FAM222A: variants seen among roughly 807,000 people sequenced by gnomAD.
FAM222A encodes the protein family with sequence similarity 222 member A.
A neutral mutation model predicts 25.8 loss-of-function variants in FAM222A; 7 were observed. That is an observed-to-expected ratio of 0.27 (90% CI 0.15 to 0.51). FAM222A has a LOEUF of 0.51. Among genes scored for constraint, FAM222A ranks in the 20% least tolerant of loss-of-function variants. FAM222A has a pLI of 0.97. For synonymous variants in FAM222A, 294 were observed against 298.8 expected (o/e 0.98, Z 0.17); for missense variants, 573 against 640.5 (o/e 0.89, Z 1.14).
Position 109,713,972 on chromosome 12 carries a change from G to A in FAM222A, c.-972G>A, listed in dbSNP as rs1385131930. ...ACCCGGGCCTGAGACCAGGCGAGGC[G>A]CCGGCGCGCGCCAGACGGCGCGAGG... On this transcript the variant is annotated 5_prime_UTR_variant, in exon 1 of 3. Transcript: ENST00000538780. Among the ~76,000 whole-genome samples the A allele has an allele frequency of 1.4e-5, 2 of 146,198 alleles. No individual in the cohort carries two copies. The highest frequency in any genetic ancestry group is 3.0e-5 in the Non-Finnish European group (2 of 65,776).
At chr12:109,755,333 A>G (rs1888694433) in intron 2 of FAM222A, among the ~76,000 whole-genome samples, 1 of 57,298 alleles carries the variant, frequency 1.7e-5, no homozygotes, top group Admixed American at 2.8e-4. Context: ...TTTTTTTGAG[A>G]CAGAGTTTCA....
At chr12:109,724,565 C>T (rs1199352348) in intron 1 of FAM222A, among the ~76,000 whole-genome samples, 2 of 152,182 alleles carry the variant, frequency 1.3e-5, no homozygotes, top group Non-Finnish European at 2.9e-5. Context: ...ATGAGGCTTC[C>T]CCCGGGGCCT....
intron 2 of FAM222A, among the ~76,000 whole-genome samples, chr12:109,760,335 G>T (rs1298036291): frequency 6.6e-6 from 1 of 152,180 alleles, no homozygotes; most frequent in Non-Finnish European, 1.5e-5. Flanking sequence ...GACCCTAAAG[G>T]ACCAGTGAGG....
chr12:109,769,095 C>T lies in FAM222A; in HGVS notation c.1166C>T (p.Ser389Leu), dbSNP rs561023021. ...GCTGGGCCCCCTGCAGATGCCCTCT[C>T]GGGCCTGCCCAGCAAGAGTGTGTGC... is the stretch of plus-strand genomic sequence containing the variant. ...ELAGPPADAL[S>L]GLPSKSVCNT... The change falls in exon 3 of 3, where the codon TCG becomes TTG. Residue 389 changes from serine to leucine, a missense_variant. Ser to Leu is a moderately radical substitution (Grantham distance 145). Transcript: ENST00000538780. 1.4e-5 allele frequency: 23 copies of T among 1,607,646 alleles called. No homozygotes were observed. Among genetic ancestry groups the T allele is most frequent in the Admixed American group, 1.0e-4 (6 of 59,408 alleles).
At chr12:109,724,167 G>C (rs1329429838) in intron 1 of FAM222A, among the ~76,000 whole-genome samples, 1 of 152,194 alleles carries the variant, frequency 6.6e-6, no homozygotes, top group Non-Finnish European at 1.5e-5. Flanking sequence ...ACTGCTGGCA[G>C]CTCCTGAACC....
chr12:109,749,677 G>C (rs1592791894), intron 2 of FAM222A, among the ~76,000 whole-genome samples: 1 of 152,288 alleles, frequency 6.6e-6, no homozygotes, highest in East Asian at 1.9e-4. Flanking sequence ...AAAGGAACTA[G>C]ACACCTACTG....
intron 1 of FAM222A, among the ~76,000 whole-genome samples, chr12:109,740,977 G>A (rs1290216484): frequency 6.6e-6 from 1 of 152,212 alleles, no homozygotes; most frequent in Non-Finnish European, 1.5e-5. Flanking sequence ...AGGTCTGGAG[G>A]TGTGAGGCAG....
chr12:109,731,177 C>T (rs1185271122), intron 1 of FAM222A, among the ~76,000 whole-genome samples: 4 of 152,102 alleles, frequency 2.6e-5, no homozygotes, highest in African/African-American at 9.7e-5. Flanking sequence ...CACTGTCCGT[C>T]AGGAGCCAGA....
At chr12:109,762,531 G>A (rs1296108892) in intron 2 of FAM222A, among the ~76,000 whole-genome samples, 1 of 152,226 alleles carries the variant, frequency 6.6e-6, no homozygotes, top group Non-Finnish European at 1.5e-5. Context: ...TGCCACTGCT[G>A]AGAAGCCTGT....
chr12:109,768,407 C>T lies in FAM222A; in HGVS notation c.478C>T (p.Pro160Ser), dbSNP rs779238610. 1 of 1,598,676 alleles carries T rather than the reference C, an allele frequency of 6.3e-7. No homozygotes were observed. Among genetic ancestry groups the T allele is most frequent in the Non-Finnish European group, 8.5e-7 (1 of 1,178,410 alleles). ...VPSTLGPLAY[P>S]KPPEAPAPPP... is the part of the protein sequence containing the mutation. The stretch of plus-strand genomic sequence containing the variant: ...CAGCACTCTGGGTCCCTTGGCCTAC[C>T]CCAAGCCACCTGAGGCGCCTGCTCC... The change falls in exon 3 of 3, where the codon CCC (proline) becomes TCC (serine). Residue 160 changes from proline to serine, a missense_variant. Transcript: ENST00000538780.
At chr12:109,721,079 C>T (rs1887737182) in intron 1 of FAM222A, among the ~76,000 whole-genome samples, 1 of 152,230 alleles carries the variant, frequency 6.6e-6, no homozygotes, top group Non-Finnish European at 1.5e-5. Flanking sequence ...CCTACTTTGG[C>T]ATTTTGTTCT....
intron 2 of FAM222A, among the ~76,000 whole-genome samples, chr12:109,754,962 C>A (rs1248924026): frequency 6.6e-6 from 1 of 152,044 alleles, no homozygotes; most frequent in Non-Finnish European, 1.5e-5. Flanking sequence ...TGAGCCACTG[C>A]GTCTAGCCTG....
intron 1 of FAM222A, among the ~76,000 whole-genome samples, chr12:109,729,451 C>A (rs1887901875): frequency 6.6e-6 from 1 of 152,324 alleles, no homozygotes; most frequent in African/African-American, 2.4e-5. Flanking sequence ...CAAGACACCC[C>A]CAGCCAGCGC....
chr12:109,767,896 A>G (rs1889101727), intron 2 of FAM222A, 116 bp from the exon 3 acceptor site: 1 of 1,031,858 alleles, frequency 9.7e-7, no homozygotes, highest in Non-Finnish European at 1.4e-6. Flanking sequence ...AAAATGTAGA[A>G]GGAATAAGGA....
chr12:109,719,788 G>A (rs1887714996), intron 1 of FAM222A, among the ~76,000 whole-genome samples: 1 of 152,046 alleles, frequency 6.6e-6, no homozygotes, highest in African/African-American at 2.4e-5. Flanking sequence ...AGGGGGCATC[G>A]GGTGCTGAGC....
chr12:109,767,062 CT>C lies in FAM222A; in HGVS notation c.83-926del, dbSNP rs757766627. On this transcript the variant is annotated intron_variant, in intron 2 of 2. Transcript: ENST00000538780. ...AGGCATGCACCATAATGCTTGGCTTCTTTTTTTTTTTTTTTTTTTTTTTTCT... is the reference window on the plus strand; with the variant it reads ...AGGCATGCACCATAATGCTTGGCTTCTTTTTTTTTTTTTTTTTTTTTTTCT... Among the ~76,000 whole-genome samples, 555 of 93,060 alleles carry C rather than the reference CT, an allele frequency of 6.0e-3. 1 individual carries two copies. The highest frequency in any genetic ancestry group is 0.019 in the African/African-American group (434 of 23,312). 61.1% of individuals were successfully genotyped at this position (93,060 alleles called of 152,430 possible).
chr12:109,765,995 G>T (rs1889038113), intron 2 of FAM222A, among the ~76,000 whole-genome samples: 1 of 152,210 alleles, frequency 6.6e-6, no homozygotes, highest in African/African-American at 2.4e-5. Flanking sequence ...CCATTTTACA[G>T]ATGAGGAAGC....
chr12:109,735,346 T>C (rs1199347325), intron 1 of FAM222A, among the ~76,000 whole-genome samples: 4 of 152,238 alleles, frequency 2.6e-5, no homozygotes, highest in Admixed American at 2.6e-4. Flanking sequence ...TGTTTCCTCG[T>C]GGGTACAACG....
chr12:109,744,871 C>A, intron 2 of FAM222A: 1 of 728,076 alleles, frequency 1.4e-6, no homozygotes, highest in Non-Finnish European at 1.7e-6. Context: ...GCCTGTGTGC[C>A]TGTATTGCAG....
Sources: allele counts gnomAD v4.1 joint callset (sites outside exome capture counted in the v4.1 genomes callset), GRCh38; gene constraint gnomAD v4.1.1; transcripts MANE v1.5; gene names NCBI Gene and HGNC (gene_info 2026-07-23, HGNC 2026-07-21).